Variants in EML6 observed in about 807,000 individuals in gnomAD.
The protein encoded by EML6 is echinoderm microtubule-associated protein-like 6.
EML6 carries 154 observed loss-of-function variants against 240.1 expected under a neutral mutation model. That is an observed-to-expected ratio of 0.64 (90% CI 0.56 to 0.73). EML6 has a LOEUF of 0.73. Among genes scored for constraint, EML6 ranks in the 30% least tolerant of loss-of-function variants. The pLI is 0.00. For missense variants in EML6, 2,964 were observed against 2,474.6 expected (o/e 1.20, Z -4.20); for synonymous variants, 1,148 against 899.0 (o/e 1.28, Z -4.95).
intron 7 of EML6, among the ~76,000 whole-genome samples, chr2:54,832,745 C>G (rs961564408): frequency 1.3e-5 from 2 of 152,116 alleles, no homozygotes; most frequent in African/African-American, 2.4e-5. Flanking sequence ...CCTCCCCACC[C>G]CCCCGCCAAC....
intron 2 of EML6, among the ~76,000 whole-genome samples, chr2:54,810,058 G>T (rs964345065): frequency 1.3e-5 from 2 of 152,202 alleles, no homozygotes; most frequent in African/African-American, 4.8e-5. Flanking sequence ...AAGCAATCAT[G>T]TTACATCAAG....
intron 34 of EML6, 103 bp downstream of exon 34, chr2:54,959,364 C>T (rs1676389508): frequency 2.6e-6 from 3 of 1,169,714 alleles, no homozygotes; most frequent in Non-Finnish European, 3.5e-6. Context: ...TGTCATCCTC[C>T]TATCTTTTTT....
chr2:54,928,121 A>G (rs779393303), intron 26 of EML6, among the ~76,000 whole-genome samples, 192 bp from the exon 27 acceptor site: 21 of 152,202 alleles, frequency 1.4e-4, no homozygotes, highest in Non-Finnish European at 1.3e-4. Flanking sequence ...TTGAGGACCT[A>G]TTGTGAGCTG....
intron 25 of EML6, among the ~76,000 whole-genome samples, chr2:54,914,267 C>T (rs1266336058): frequency 6.6e-6 from 1 of 152,210 alleles, no homozygotes; most frequent in Non-Finnish European, 1.5e-5. Flanking sequence ...AAAAGACCTA[C>T]AGCACTGTGA....
At chr2:54,841,877 G>A (rs947291053) in intron 7 of EML6, among the ~76,000 whole-genome samples, 2 of 152,068 alleles carry the variant, frequency 1.3e-5, no homozygotes, top group Admixed American at 1.3e-4. Flanking sequence ...ACAGGCATGA[G>A]CCACCGTGCC....
chr2:54,961,062 G>A (rs753607734), intron 35 of EML6, among the ~76,000 whole-genome samples: 1 of 151,868 alleles, frequency 6.6e-6, no homozygotes, highest in Non-Finnish European at 1.5e-5. Flanking sequence ...TGGATATGGA[G>A]TACCACATGA....
At chr2:54,755,211 AT>A (rs1430133915) in intron 2 of EML6, among the ~76,000 whole-genome samples, 1 of 152,182 alleles carries the variant, frequency 6.6e-6, no homozygotes, top group African/African-American at 2.4e-5. Flanking sequence ...CTGTTTCTGG[AT>A]TCCATTCTGA....
At chr2:54,875,250 G>C (rs1261251123) in intron 16 of EML6, among the ~76,000 whole-genome samples, 1 of 152,200 alleles carries the variant, frequency 6.6e-6, no homozygotes, top group Non-Finnish European at 1.5e-5. Flanking sequence ...CTTACCTGAA[G>C]TATGAACAAG....
chr2:54,868,767 C>G (rs1426967784), intron 14 of EML6: 1 of 159,652 alleles, frequency 6.3e-6, no homozygotes, highest in Non-Finnish European at 1.4e-5. Flanking sequence ...TTTGGTGCCC[C>G]TGGAAGGGTC....
intron 24 of EML6, among the ~76,000 whole-genome samples, chr2:54,910,652 T>G (rs200169527): frequency 6.6e-6 from 1 of 151,440 alleles, no homozygotes; most frequent in Admixed American, 6.6e-5. Flanking sequence ...TTTCTCAGGC[T>G]TTGGAAAACT....
chr2:54,942,896 T>A (rs1446150067), intron 28 of EML6, among the ~76,000 whole-genome samples: 1 of 152,194 alleles, frequency 6.6e-6, no homozygotes. Context: ...CTTCCTGGCC[T>A]CACTTTTTGT....
In EML6 at chr2:54,847,497, T is replaced by C. The variant is rs1264782225; in HGVS notation, c.1061T>C (p.Leu354Pro). ...SDDRSVRLWS[L>P]ADHALIARCN... ...GTTCTTGTGCCTAGGCTGTGGAGCC[T>C]GGCTGATCATGCCTTGATCGCCCGC... The change falls in exon 9 of 42, where the codon CTG becomes CCG. Residue 354 changes from leucine (L) to proline (P), a missense_variant. Physicochemically the swap from Leu to Pro is moderately conservative, Grantham distance 98. Transcript: ENST00000356458. 1.3e-6 allele frequency: 2 copies of C among 1,551,632 alleles called. No homozygotes were observed. Among genetic ancestry groups the C allele is most frequent in the African/African-American group, 1.4e-5 (1 of 73,130 alleles).
At chr2:54,759,776 C>T (rs1158200234) in intron 2 of EML6, among the ~76,000 whole-genome samples, 1 of 151,740 alleles carries the variant, frequency 6.6e-6, no homozygotes, top group South Asian at 2.1e-4. Flanking sequence ...TAACTATATC[C>T]CAATGTTAGG....
intron 17 of EML6, among the ~76,000 whole-genome samples, chr2:54,889,916 T>TA (rs1672377275): frequency 6.6e-6 from 1 of 152,222 alleles, no homozygotes; most frequent in Non-Finnish European, 1.5e-5. Flanking sequence ...GTTCTATCTT[T>TA]AAAGAAAAGA....
rs112524790 is a variant in EML6, at chr2:54,836,836, C to T, written c.848-7211C>T. The stretch of plus-strand genomic sequence containing the variant: ...TCCAAAATCATTGGTGTTTATGAAT[C>T]CCTGGGGAGATGCATGTCTTTCCTC... On this transcript the variant is annotated intron_variant, in intron 7 of 41. Transcript: ENST00000356458. Among the ~76,000 whole-genome samples the T allele has an allele frequency of 6.0e-3, 907 of 152,258 alleles. 15 individuals are homozygous for T. Among genetic ancestry groups the T allele is most frequent in the African/African-American group, 0.021 (879 of 41,526 alleles).
chr2:54,928,977 T>G (rs1418355015), intron 28 of EML6, among the ~76,000 whole-genome samples: 2 of 152,206 alleles, frequency 1.3e-5, no homozygotes, highest in African/African-American at 2.4e-5. Flanking sequence ...TTATGGAATG[T>G]GACTTGAATA....
intron 7 of EML6, among the ~76,000 whole-genome samples, chr2:54,837,805 A>G (rs139957016): frequency 6.6e-6 from 1 of 152,330 alleles, no homozygotes; most frequent in Non-Finnish European, 1.5e-5. Flanking sequence ...ACTGGGAGGA[A>G]TATCTGGGAG....
At chr2:54,743,846 T>C (rs985778208) in intron 2 of EML6, among the ~76,000 whole-genome samples, 2 of 152,192 alleles carry the variant, frequency 1.3e-5, no homozygotes, top group Non-Finnish European at 2.9e-5. Context: ...AATTTACATA[T>C]AAATTTCTTA....
chr2:54,736,524 G>A (rs149941494), intron 2 of EML6, among the ~76,000 whole-genome samples: 1 of 152,182 alleles, frequency 6.6e-6, no homozygotes, highest in Non-Finnish European at 1.5e-5. Flanking sequence ...GAGGTTCTTA[G>A]TTGTCTCCAT....
Sources: allele counts gnomAD v4.1 joint callset (sites outside exome capture counted in the v4.1 genomes callset), GRCh38; gene constraint gnomAD v4.1.1; transcripts MANE v1.5; gene names NCBI Gene and HGNC (gene_info 2026-07-23, HGNC 2026-07-21).